PDE4D: variants seen among roughly 807,000 people sequenced by gnomAD.
The protein encoded by PDE4D is 3',5'-cyclic-AMP phosphodiesterase 4D.
A neutral mutation model predicts 87.4 loss-of-function variants in PDE4D; 24 were observed. That is an observed-to-expected ratio of 0.27 (90% CI 0.20 to 0.39). The LOEUF is 0.39. Ranked by LOEUF, PDE4D falls within the 10% of genes least tolerant of loss-of-function variation. The pLI is 1.00. For missense variants in PDE4D, 714 were observed against 1,041.0 expected, an observed-to-expected ratio of 0.69 and a Z score of 4.32; for synonymous variants, 384 against 383.2, an observed-to-expected ratio of 1.00 and a Z score of -0.02.
At chr5:59,917,777 C>G (rs1038552014) in intron 3 of PDE4D, among the ~76,000 whole-genome samples, 4 of 152,054 alleles carry the variant, frequency 2.6e-5, no homozygotes, top group African/African-American at 9.7e-5. Flanking sequence ...TTCAATGCAA[C>G]TTATTTAATC....
chr5:59,295,713 G>A (rs1768933158), intron 1 of PDE4D, among the ~76,000 whole-genome samples: 1 of 152,064 alleles, frequency 6.6e-6, no homozygotes, highest in East Asian at 1.9e-4. Flanking sequence ...TGTGAATATC[G>A]TGTCTTTAAT....
At chr5:59,456,306 A>G (rs941756370) in intron 1 of PDE4D, among the ~76,000 whole-genome samples, 2 of 152,186 alleles carry the variant, frequency 1.3e-5, no homozygotes, top group Admixed American at 1.3e-4. Context: ...TCCTGATAGT[A>G]AATGAGTCTC....
chr5:59,960,671 A>G (rs1186828688), intron 3 of PDE4D, among the ~76,000 whole-genome samples: 1 of 152,136 alleles, frequency 6.6e-6, no homozygotes, highest in Non-Finnish European at 1.5e-5. Flanking sequence ...ACACACATAC[A>G]TAACGATGGG....
intron 1 of PDE4D, among the ~76,000 whole-genome samples, chr5:60,308,535 C>T (rs73106708): frequency 0.06 from 9,188 of 152,138 alleles, 918 homozygotes; most frequent in African/African-American, 0.21. Flanking sequence ...ACTAATGCTA[C>T]TATAAGATTA....
At chr5:59,860,791 T>A (rs548339698) in intron 1 of PDE4D, among the ~76,000 whole-genome samples, 34 of 152,254 alleles carry the variant, frequency 2.2e-4, no homozygotes, top group African/African-American at 7.5e-4. Flanking sequence ...TAATACCACA[T>A]AAATTATCAT....
intron 5 of PDE4D, among the ~76,000 whole-genome samples, chr5:59,138,157 T>C (rs1777398315): frequency 6.6e-6 from 1 of 152,244 alleles, no homozygotes; most frequent in Non-Finnish European, 1.5e-5. Context: ...GATTTGAGAA[T>C]GGCATCAGAA....
At chr5:60,187,650 C>A (rs1177427158) in intron 1 of PDE4D, among the ~76,000 whole-genome samples, 1 of 152,120 alleles carries the variant, frequency 6.6e-6, no homozygotes, top group African/African-American at 2.4e-5. Context: ...TAAAGACCAT[C>A]ATTAAGAGAT....
chr5:59,668,033 C>T (rs1746364971), intron 1 of PDE4D, among the ~76,000 whole-genome samples: 1 of 152,132 alleles, frequency 6.6e-6, no homozygotes, highest in Non-Finnish European at 1.5e-5. Context: ...CATCCTTAAA[C>T]CTTAAAATGT....
chr5:59,523,954 T>G (rs934866405), intron 1 of PDE4D, among the ~76,000 whole-genome samples: 2 of 152,216 alleles, frequency 1.3e-5, no homozygotes, highest in East Asian at 1.9e-4. Flanking sequence ...TGTTTGTAAG[T>G]TTCCTGAAGC....
chr5:59,224,293 T>TAC (rs35273659), intron 1 of PDE4D, among the ~76,000 whole-genome samples: 27,883 of 135,312 alleles, frequency 0.21, 2,649 homozygotes, highest in Non-Finnish European at 0.23. Flanking sequence ...CACACACACA[T>TAC]ACACACACAC....
chr5:59,400,013 C>G (rs1790278368), intron 1 of PDE4D, among the ~76,000 whole-genome samples: 1 of 116,982 alleles, frequency 8.5e-6, no homozygotes, highest in African/African-American at 3.5e-5. Context: ...CAGAGAAACG[C>G]AAATCAAAAC....
intron 1 of PDE4D, among the ~76,000 whole-genome samples, chr5:59,708,043 C>T (rs1753698872): frequency 6.6e-6 from 1 of 152,110 alleles, no homozygotes; most frequent in Non-Finnish European, 1.5e-5. Flanking sequence ...TACAGTCTTC[C>T]ATAATGGTTG....
chr5:59,090,574 T>C (rs1768522121), intron 5 of PDE4D, among the ~76,000 whole-genome samples: 1 of 152,054 alleles, frequency 6.6e-6, no homozygotes, highest in South Asian at 2.1e-4. Flanking sequence ...GCTATCATCA[T>C]CTCTTTTATA....
chr5:60,282,891 C>T (rs1013786155), intron 1 of PDE4D, among the ~76,000 whole-genome samples: 9 of 152,044 alleles, frequency 5.9e-5, no homozygotes, highest in South Asian at 2.1e-4. Context: ...GAACATAGTC[C>T]GAAATCTTTT....
intron 5 of PDE4D, among the ~76,000 whole-genome samples, chr5:59,076,579 A>G (rs1465868421): frequency 1.3e-5 from 2 of 152,174 alleles, no homozygotes; most frequent in African/African-American, 4.8e-5. Context: ...CAAGTGTGAT[A>G]AATATGATTA....
At chr5:59,226,853 G>T (rs528446619) in intron 1 of PDE4D, among the ~76,000 whole-genome samples, 1 of 148,412 alleles carries the variant, frequency 6.7e-6, no homozygotes, top group Admixed American at 6.6e-5. Context: ...AGCGGAAAGT[G>T]TCTTTTTTTT....
intron 1 of PDE4D, among the ~76,000 whole-genome samples, chr5:59,850,020 A>G (rs1244257899): frequency 6.6e-6 from 1 of 152,044 alleles, no homozygotes; most frequent in African/African-American, 2.4e-5. Context: ...GGGGCAAAAT[A>G]TAACTATATC....
chr5:59,239,556 C>T (rs115616558), intron 1 of PDE4D, among the ~76,000 whole-genome samples: 1 of 152,144 alleles, frequency 6.6e-6, no homozygotes, highest in African/African-American at 2.4e-5. Flanking sequence ...TCCATTGTCT[C>T]ATTTGATTTT....
chr5:59,667,569 T>C (rs1004083126), intron 1 of PDE4D, among the ~76,000 whole-genome samples: 16 of 152,188 alleles, frequency 1.1e-4, no homozygotes, highest in Admixed American at 1.0e-3. Context: ...CTTCTCATGA[T>C]TTCCCTATTT....
Sources: allele counts gnomAD v4.1 joint callset (sites outside exome capture counted in the v4.1 genomes callset), GRCh38; gene constraint gnomAD v4.1.1; transcripts MANE v1.5; gene names NCBI Gene and HGNC (gene_info 2026-07-23, HGNC 2026-07-21).